The following FUT8 variants were observed in gnomAD, a reference collection of about 807,000 sequenced individuals.
The protein encoded by FUT8 is fucosyltransferase 8, also known as alpha-(1,6)-fucosyltransferase.
FUT8 carries 29 observed loss-of-function variants against 71.3 expected under a neutral mutation model. That is an observed-to-expected ratio of 0.41 (90% CI 0.30 to 0.55). FUT8 has a LOEUF of 0.55. FUT8 is among the 20% of genes least tolerant of loss of function. FUT8 has a pLI of 0.34. For missense variants in FUT8, 544 were observed against 702.1 expected (o/e 0.77, Z 2.55); for synonymous variants, 254 against 239.3 (o/e 1.06, Z -0.57).
upstream of FUT8, chr14:65,412,211 C>G (rs1469610942): frequency 2.2e-6 from 1 of 456,702 alleles, no homozygotes. Context: ...CCTGGGGGAG[C>G]GATGCCATTG....
intron 2 of FUT8, among the ~76,000 whole-genome samples, chr14:65,537,375 G>GATT (rs1259953784): frequency 1.0e-3 from 158 of 151,302 alleles, no homozygotes; most frequent in Non-Finnish European, 1.0e-3. Flanking sequence ...TTATTACTAT[G>GATT]ATTATTATTA....
At chr14:65,680,279 A>G (rs905833518) in intron 7 of FUT8, among the ~76,000 whole-genome samples, 13 of 152,212 alleles carry the variant, frequency 8.5e-5, no homozygotes, top group Admixed American at 8.5e-4. Flanking sequence ...CAGAAGACAG[A>G]TGACCTAAAG....
chr14:65,605,181 G>A (rs1242015786), intron 3 of FUT8, among the ~76,000 whole-genome samples: 1 of 151,810 alleles, frequency 6.6e-6, no homozygotes, highest in Non-Finnish European at 1.5e-5. Context: ...TTTCTTTAGG[G>A]TAATCTTAGA....
intron 3 of FUT8, among the ~76,000 whole-genome samples, chr14:65,573,216 G>A (rs1409766569): frequency 6.6e-6 from 1 of 151,906 alleles, no homozygotes; most frequent in African/African-American, 2.4e-5. Flanking sequence ...TTCAAGCTTT[G>A]CCTGCTCCCC....
intron 7 of FUT8, among the ~76,000 whole-genome samples, chr14:65,714,795 C>T (rs1180984136): frequency 6.6e-6 from 1 of 152,016 alleles, no homozygotes; most frequent in African/African-American, 2.4e-5. Context: ...AGAGATCTTT[C>T]ACATCTTTGG....
At chr14:65,365,830 C>T in the FUT8 span, among the ~76,000 whole-genome samples, 2 of 151,996 alleles carry the variant, frequency 1.3e-5, no homozygotes, top group African/African-American at 2.4e-5. Flanking sequence ...TCTTATATTC[C>T]TTTACTTTCT....
chr14:65,722,603 C>T (rs1216580749), intron 8 of FUT8, among the ~76,000 whole-genome samples: 1 of 152,188 alleles, frequency 6.6e-6, no homozygotes, highest in East Asian at 1.9e-4. Flanking sequence ...TATTTCTTCT[C>T]ATGTAACTTT....
intron 7 of FUT8, among the ~76,000 whole-genome samples, chr14:65,709,027 C>T (rs557066549): frequency 1.9e-3 from 287 of 152,172 alleles, no homozygotes; most frequent in Non-Finnish European, 2.7e-3. Flanking sequence ...AAGAAGGATA[C>T]GTTGGTGAAA....
chr14:65,675,185 T>A (rs1892656112), intron 7 of FUT8, among the ~76,000 whole-genome samples: 1 of 152,170 alleles, frequency 6.6e-6, no homozygotes, highest in African/African-American at 2.4e-5. Context: ...AATACAGGAA[T>A]AGGGAACTGA....
chr14:65,523,169 A>T (rs1883200356), intron 2 of FUT8, among the ~76,000 whole-genome samples: 1 of 152,174 alleles, frequency 6.6e-6, no homozygotes, highest in Admixed American at 6.5e-5. Flanking sequence ...ACAATGGTTG[A>T]ACTAGTTTAC....
chr14:65,589,734 A>G (rs6573618), intron 3 of FUT8, among the ~76,000 whole-genome samples: 105,152 of 151,964 alleles, frequency 0.69, 36,637 homozygotes, highest in East Asian at 0.89. Flanking sequence ...CTGAGCCACC[A>G]TGCCCAGCTT....
At chr14:65,364,842 A>G in the FUT8 span, among the ~76,000 whole-genome samples, 1 of 152,112 alleles carries the variant, frequency 6.6e-6, no homozygotes, top group Non-Finnish European at 1.5e-5. Context: ...TAATGATCCC[A>G]TTAACTTCAT....
chr14:65,678,532 T>G (rs12050135), intron 7 of FUT8, among the ~76,000 whole-genome samples: 1 of 152,138 alleles, frequency 6.6e-6, no homozygotes, highest in African/African-American at 2.4e-5. Flanking sequence ...GATAGTCTTT[T>G]TAAGGTCTCC....
chr14:65,409,933 G>C (rs564155392), upstream of FUT8, among the ~76,000 whole-genome samples: 1 of 152,310 alleles, frequency 6.6e-6, no homozygotes, highest in South Asian at 2.1e-4. This position sits in a 1 kb window ranked among gnomAD's most constrained non-coding sequence, Gnocchi z 5.4. Context: ...GTAAGAGGTG[G>C]AGTACCTGTA....
intron 2 of FUT8, among the ~76,000 whole-genome samples, chr14:65,521,610 C>G (rs1257784591): frequency 6.6e-6 from 1 of 152,190 alleles, no homozygotes; most frequent in Non-Finnish European, 1.5e-5. Context: ...CAGACAAGAT[C>G]AAAAGCCCTG....
At chr14:65,378,682 T>G in the FUT8 span, among the ~76,000 whole-genome samples, 2 of 152,132 alleles carry the variant, frequency 1.3e-5, no homozygotes, top group Non-Finnish European at 2.9e-5. Context: ...GTTAGAATAC[T>G]TCCAGGACTA....
At chr14:65,576,782 C>T (rs1197068110) in intron 3 of FUT8, among the ~76,000 whole-genome samples, 6 of 142,764 alleles carry the variant, frequency 4.2e-5, no homozygotes, top group South Asian at 4.4e-4. Context: ...TGTAATGGCG[C>T]GATCTCAGCT....
At chr14:65,691,661 C>T (rs1334045138) in intron 7 of FUT8, among the ~76,000 whole-genome samples, 1 of 151,806 alleles carries the variant, frequency 6.6e-6, no homozygotes, top group Non-Finnish European at 1.5e-5. Flanking sequence ...GGGGATTTGG[C>T]AGGGTCATAG....
At chr14:65,546,892 C>T (rs1030693135) in intron 2 of FUT8, among the ~76,000 whole-genome samples, 2 of 151,544 alleles carry the variant, frequency 1.3e-5, no homozygotes, top group East Asian at 3.9e-4. Context: ...ATTCAACTTC[C>T]TTAAGCTTTA....
Sources: allele counts gnomAD v4.1 joint callset (sites outside exome capture counted in the v4.1 genomes callset), GRCh38; gene constraint gnomAD v4.1.1; non-coding constraint Gnocchi (gnomAD v3.1); transcripts MANE v1.5; gene names NCBI Gene and HGNC (gene_info 2026-07-23, HGNC 2026-07-21).